NOS1: variants seen among roughly 807,000 people sequenced by gnomAD.
NOS1 encodes the protein nitric oxide synthase 1.
A neutral mutation model predicts 164.5 loss-of-function variants in NOS1; 51 were observed. The observed-to-expected ratio is 0.31, with a 90% CI of 0.25 to 0.39. The LOEUF (loss-of-function observed/expected upper bound fraction) is 0.39, where lower values mean the gene tolerates loss of function less well. Ranked by LOEUF, NOS1 falls within the 10% of genes least tolerant of loss-of-function variation. The probability of loss-of-function intolerance (pLI) is 1.00; values close to 1 mark genes in which losing one functional copy is unlikely to be tolerated. For missense variants in NOS1, 1,362 were observed against 1,885.6 expected (o/e 0.72, Z 5.14); for synonymous variants, 719 against 745.8 (o/e 0.96, Z 0.59).
chr12:117,215,217 A>G lies in NOS1; in HGVS notation c.*92T>C. 1 of 1,393,950 alleles carries G rather than the reference A, an allele frequency of 7.2e-7. No individual in the cohort carries two copies. The highest frequency in any genetic ancestry group is 9.4e-7 in the Non-Finnish European group (1 of 1,063,464). 86.3% of individuals were successfully genotyped at this position (1,393,950 alleles called of 1,614,324 possible). A position where few individuals can be genotyped will look rare whatever the true frequency, so the allele number is the denominator to read the frequency against. On this transcript the variant is annotated 3_prime_UTR_variant, in exon 29 of 29. Coordinates refer to ENST00000317775, the MANE Select transcript of NOS1 (RefSeq NM_000620.5). Reference sequence around the variant, plus strand: ...GGGCACAGCGACAAGGACAGGAGGCAGAGCGAGGGCCACAGGGGGTCCCAG... The same window carrying G: ...GGGCACAGCGACAAGGACAGGAGGCGGAGCGAGGGCCACAGGGGGTCCCAG...
chr12:117,227,475 T>A lies in NOS1; in HGVS notation c.3572A>T (p.Asp1191Val). The A allele has an allele frequency of 1.9e-6, 3 of 1,613,588 alleles. No homozygotes were observed. Among genetic ancestry groups the A allele is most frequent in the Non-Finnish European group, 2.5e-6 (3 of 1,179,856 alleles). ...GATGGCCACAGTGAGGTGCACTTCA[T>A]CAGGGTACATGTCTGGGGAGGAGCT... ...SISSSPDMYP[D>V]EVHLTVAIVS... The change falls in exon 23 of 29, where the codon GAT becomes GTT. Residue 1191 changes from aspartate (D) to valine (V), a missense_variant. By Grantham distance (152) the Asp-to-Val change is radical. Coordinates refer to ENST00000317775, the MANE Select transcript of NOS1 (RefSeq NM_000620.5).
At chr12:117,318,848 T>C (rs1874785146) in intron 2 of NOS1, among the ~76,000 whole-genome samples, 1 of 152,162 alleles carries the variant, frequency 6.6e-6, no homozygotes, top group Non-Finnish European at 1.5e-5. Context: ...CAGCAGACAC[T>C]CCACTCTCTC....
chr12:117,208,661 G>C lies in NOS1; in HGVS notation c.*6648C>G. Reference sequence around the variant, plus strand: ...ACTGGATCTCAGTGAGTCTTAATCAGAACCAACACCAAGGACACAGTGTCT... The same window carrying C: ...ACTGGATCTCAGTGAGTCTTAATCACAACCAACACCAAGGACACAGTGTCT... On this transcript the variant is annotated 3_prime_UTR_variant, in exon 29 of 29. Coordinates refer to ENST00000317775, the MANE Select transcript of NOS1 (RefSeq NM_000620.5). 1 of 1,112,384 alleles carries C rather than the reference G, an allele frequency of 9.0e-7. No homozygotes were observed. The highest frequency in any genetic ancestry group is 1.1e-6 in the Non-Finnish European group (1 of 901,756). 68.9% of individuals were successfully genotyped at this position (1,112,384 alleles called of 1,614,324 possible).
intron 13 of NOS1, among the ~76,000 whole-genome samples, chr12:117,260,922 C>T (rs1871850581): frequency 6.6e-6 from 1 of 151,632 alleles, no homozygotes; most frequent in South Asian, 2.1e-4. Context: ...AATCCCAGCA[C>T]TTTGGGAGGC....
chr12:117,228,747 C>T (rs754361524), intron 22 of NOS1, among the ~76,000 whole-genome samples: 27 of 151,990 alleles, frequency 1.8e-4, no homozygotes, highest in Non-Finnish European at 3.7e-4. Flanking sequence ...TAAAGACTGT[C>T]CTGGCCTTAT....
intron 8 of NOS1, among the ~76,000 whole-genome samples, chr12:117,280,287 A>G (rs1873525555): frequency 6.6e-6 from 1 of 152,216 alleles, no homozygotes; most frequent in South Asian, 2.1e-4. Context: ...TGTATCAACA[A>G]ATGAAGGAAT....
intron 3 of NOS1, among the ~76,000 whole-genome samples, chr12:117,294,343 G>A (rs1278685841): frequency 2.0e-5 from 3 of 152,156 alleles, no homozygotes; most frequent in African/African-American, 7.2e-5. Flanking sequence ...CCAGGGAGGG[G>A]GAGGAGCGAG....
rs946356254 is a variant in NOS1, at chr12:117,286,140, C to T, written c.1254G>A (p.Ser418=). 2.7e-5 allele frequency: 43 copies of T among 1,614,092 alleles called. No individual in the cohort carries two copies. The highest frequency in any genetic ancestry group is 1.6e-4 in the Middle Eastern group (1 of 6,084). ...YGAKHAWRNA[S]RCVGRIQWSK... is the part of the protein sequence containing the mutation. ...ACCACTGGATCCTGCCCACACAGCG[C>T]GAGGCATTCCGCCAGGCGTGCTTGG... The change falls in exon 6 of 29, where the codon TCG becomes TCA. Residue 418 remains serine, a synonymous_variant. Coordinates refer to ENST00000317775, the MANE Select transcript of NOS1 (RefSeq NM_000620.5).
At chr12:117,222,256 C>T (rs1319230075) in intron 26 of NOS1, among the ~76,000 whole-genome samples, 1 of 152,036 alleles carries the variant, frequency 6.6e-6, no homozygotes, top group Non-Finnish European at 1.5e-5. Flanking sequence ...TATTTTATTT[C>T]ATCACATATA....
chr12:117,280,881 G>C lies in NOS1; in HGVS notation c.1383-15C>G, dbSNP rs2293051. 0.35 allele frequency: 567,537 copies of C among 1,611,798 alleles called. 101,505 individuals carry two copies. The highest frequency in any genetic ancestry group is 0.42 in the Middle Eastern group (2,544 of 6,050). On this transcript the variant is annotated splice_polypyrimidine_tract_variant and intron_variant, in intron 7 of 28. Transcript: ENST00000317775. ...TGATGGCAGACCTGTGGTGGAGAGA[G>C]GGGAACACCCGGCATCAGGGCGGGA...
At chr12:117,270,032 C>T (rs139003605) in intron 10 of NOS1, among the ~76,000 whole-genome samples, 8 of 152,292 alleles carry the variant, frequency 5.3e-5, no homozygotes, top group Non-Finnish European at 1.2e-4. Context: ...CGTCTAAGAC[C>T]TTGGAGCTGC....
chr12:117,210,502 G>T lies in NOS1; in HGVS notation c.*4807C>A. ...GGGCAGCGGGTAGGGAAATATACAA[G>T]GAAACATGGCTGGTTTAAAACACAG... On this transcript the variant is annotated 3_prime_UTR_variant, in exon 29 of 29. Coordinates refer to ENST00000317775, the MANE Select transcript of NOS1 (RefSeq NM_000620.5). The T allele has an allele frequency of 1.0e-6, 1 of 985,450 alleles. No individual in the cohort carries two copies. 61.0% of individuals were successfully genotyped at this position (985,450 alleles called of 1,614,324 possible).
At chr12:117,262,698 G>C (rs779794138) in intron 13 of NOS1, among the ~76,000 whole-genome samples, 5 of 152,142 alleles carry the variant, frequency 3.3e-5, no homozygotes, top group African/African-American at 7.2e-5. Flanking sequence ...TGAGGAAACA[G>C]AGTAGTGTCT....
intron 11 of NOS1, among the ~76,000 whole-genome samples, chr12:117,266,808 GA>G (rs1393450461): frequency 1.3e-5 from 2 of 152,144 alleles, no homozygotes; most frequent in Non-Finnish European, 2.9e-5. Context: ...AAAGTGCTGG[GA>G]TTACAGGTGT....
At chr12:117,308,780 A>G (rs1156870859) in intron 3 of NOS1, among the ~76,000 whole-genome samples, 2 of 152,010 alleles carry the variant, frequency 1.3e-5, no homozygotes, top group East Asian at 3.9e-4. Context: ...TATTTTTAGT[A>G]GAGACGGAGT....
In NOS1 at chr12:117,311,347, C is replaced by T. The variant is rs546079161; in HGVS notation, c.852+119G>A. 94 of 1,217,288 alleles carry T rather than the reference C, an allele frequency of 7.7e-5. 1 individual carries two copies. In the African/African-American group the frequency reaches 8.9e-4, roughly 12 times the overall value. The allele number at this position is 1,217,288 out of a possible 1,614,324, so 75.4% of individuals were successfully genotyped here. On this transcript the variant is annotated intron_variant, in intron 3 of 28. Coordinates refer to ENST00000317775, the MANE Select transcript of NOS1 (RefSeq NM_000620.5). The stretch of plus-strand genomic sequence containing the variant: ...GGCCTCCCAAGCTCTCCAGCCACGG[C>T]GGCTGATTTCCATCATGACACAGTT...
chr12:117,260,812 C>CTTTAT (rs1408672964), intron 13 of NOS1, among the ~76,000 whole-genome samples: 2 of 116,826 alleles, frequency 1.7e-5, no homozygotes, highest in Non-Finnish European at 3.3e-5. Context: ...TTATTAAATC[C>CTTTAT]TTTATTTTAT....
intron 24 of NOS1, 122 bp from the exon 25 acceptor site, chr12:117,225,259 G>A (rs1318402461): frequency 7.6e-7 from 1 of 1,310,802 alleles, no homozygotes; most frequent in Admixed American, 2.6e-5. Flanking sequence ...AGGCTCTTCA[G>A]CCGGGGCCAG....
At chr12:117,312,975 A>G (rs1874507507) in intron 2 of NOS1, among the ~76,000 whole-genome samples, 1 of 152,064 alleles carries the variant, frequency 6.6e-6, no homozygotes, top group South Asian at 2.1e-4. Flanking sequence ...TGTAATCATC[A>G]TCATCTAACT....
Sources: allele counts gnomAD v4.1 joint callset (sites outside exome capture counted in the v4.1 genomes callset), GRCh38; gene constraint gnomAD v4.1.1; transcripts MANE v1.5; gene names NCBI Gene and HGNC (gene_info 2026-07-23, HGNC 2026-07-21).